Variants in PRKCZ observed in about 807,000 individuals in gnomAD.
PRKCZ encodes protein kinase C zeta type.
In PRKCZ, 33 loss-of-function variants were observed where a neutral mutation model predicts 79.5. The observed-to-expected ratio is 0.41, with a 90% confidence interval of 0.31 to 0.55. The LOEUF (loss-of-function observed/expected upper bound fraction) is 0.55. Among genes scored for constraint, PRKCZ ranks in the 20% least tolerant of loss-of-function variants. The pLI is 0.19. For missense variants in PRKCZ, 578 were observed against 813.5 expected, an observed-to-expected ratio of 0.71 and a Z score of 3.52; for synonymous variants, 342 against 320.9, an observed-to-expected ratio of 1.07 and a Z score of -0.70.
intron 1 of PRKCZ, 148 bp downstream of exon 1, chr1:2,050,849 C>T: frequency 2.2e-6 from 1 of 456,236 alleles, no homozygotes; most frequent in Non-Finnish European, 3.5e-6. Context: ...GTCCTCGGTC[C>T]CCGCCCGTGA....
At chr1:2,158,525 C>T (rs1681564930) in intron 10 of PRKCZ, among the ~76,000 whole-genome samples, 1 of 152,230 alleles carries the variant, frequency 6.6e-6, no homozygotes, top group African/African-American at 2.4e-5. Flanking sequence ...TCCCATTGCG[C>T]TTTTCCAGGC....
chr1:2,131,272 T>C (rs1402075388), intron 4 of PRKCZ, among the ~76,000 whole-genome samples: 1 of 151,828 alleles, frequency 6.6e-6, no homozygotes, highest in African/African-American at 2.4e-5. Flanking sequence ...CACCTGGGAG[T>C]TTCTTTGCAG....
chr1:2,121,377 T>C (rs72907480), intron 4 of PRKCZ, among the ~76,000 whole-genome samples: 3,103 of 150,088 alleles, frequency 0.021, 86 homozygotes, highest in African/African-American at 0.065. Context: ...AGAATCCATA[T>C]GTTGAAGCCC....
Position 2,125,886 on chromosome 1 carries a change from A to G in PRKCZ, c.335-9376A>G, listed in dbSNP as rs1673779990. 6.6e-6 allele frequency among the ~76,000 whole-genome samples: 1 copy of G among 151,958 alleles called. No individual in the cohort carries two copies. Among genetic ancestry groups the G allele is most frequent in the South Asian group, 2.1e-4 (1 of 4,810 alleles). ...AGCCGCCCGGCTGCCTCTCGCCAAC[A>G]TGCAGCACTTCCCTTCCTTTCCATG... On this transcript the variant is annotated intron_variant, in intron 4 of 17. Transcript: ENST00000378567. The surrounding 1 kb of genome is among the most constrained non-coding windows in gnomAD (Gnocchi z 4.2).
chr1:2,067,225 G>C (rs1363648227), intron 4 of PRKCZ, among the ~76,000 whole-genome samples: 1 of 152,248 alleles, frequency 6.6e-6, no homozygotes, highest in Non-Finnish European at 1.5e-5. Context: ...TGTGCGTTGA[G>C]GGTGTGCAGC....
chr1:2,097,933 C>G (rs1050125379), intron 4 of PRKCZ, among the ~76,000 whole-genome samples: 1 of 152,216 alleles, frequency 6.6e-6, no homozygotes, highest in East Asian at 1.9e-4. Context: ...GTGTGGTTCC[C>G]CTGTTGGCTA....
chr1:2,139,315 C>T (rs1258982655), intron 5 of PRKCZ, among the ~76,000 whole-genome samples: 1 of 152,188 alleles, frequency 6.6e-6, no homozygotes, highest in Admixed American at 6.5e-5. Context: ...GCCGGCCGGG[C>T]GTGGTGGCTC....
chr1:2,126,311 A>C (rs3107154), intron 4 of PRKCZ, among the ~76,000 whole-genome samples: 138,408 of 152,248 alleles, frequency 0.91, 62,995 homozygotes, highest in Admixed American at 0.93. Context: ...TGGTCTGCTG[A>C]CCTGGGCTGC....
chr1:2,051,484 C>G (rs930596380), intron 1 of PRKCZ, among the ~76,000 whole-genome samples: 1 of 152,200 alleles, frequency 6.6e-6, no homozygotes, highest in Admixed American at 6.5e-5. Flanking sequence ...GTGCGCGTCT[C>G]CAGGAGCCCC....
At chr1:2,135,786 C>G (rs1362598974) in intron 5 of PRKCZ, among the ~76,000 whole-genome samples, 1 of 152,258 alleles carries the variant, frequency 6.6e-6, no homozygotes, top group Non-Finnish European at 1.5e-5. Context: ...CCTGCTTGGG[C>G]CTCTGTCTTC....
intron 5 of PRKCZ, among the ~76,000 whole-genome samples, chr1:2,136,452 G>A (rs1676212425): frequency 6.6e-6 from 1 of 152,184 alleles, no homozygotes; most frequent in African/African-American, 2.4e-5. Context: ...AGGACTTCCT[G>A]GAGGAGGAGG....
chr1:2,117,566 C>T (rs1056384733), intron 4 of PRKCZ, among the ~76,000 whole-genome samples: 1 of 152,110 alleles, frequency 6.6e-6, no homozygotes, highest in African/African-American at 2.4e-5. Context: ...ACTGTTGATC[C>T]TTCCAAAACA....
At chr1:2,092,416 C>T (rs756604337) in intron 4 of PRKCZ, among the ~76,000 whole-genome samples, 1 of 152,286 alleles carries the variant, frequency 6.6e-6, no homozygotes, top group South Asian at 2.1e-4. Context: ...ACAAAGTGCG[C>T]AGCTCTACCC....
intron 4 of PRKCZ, among the ~76,000 whole-genome samples, chr1:2,068,664 G>C (rs1661322038): frequency 6.6e-6 from 1 of 152,240 alleles, no homozygotes; most frequent in African/African-American, 2.4e-5. Flanking sequence ...ACGCACCACA[G>C]TTGACTACAT....
Position 2,093,287 on chromosome 1 carries a change from G to A in PRKCZ, c.334+33696G>A, listed in dbSNP as rs564319126. ...GCCCGCTGGCCTCGCTGCTTCCTGC[G>A]CCCTGTTTACCACCCCTCACCCCCT... On this transcript the variant is annotated intron_variant, in intron 4 of 17. Transcript: ENST00000378567. 3.2e-4 allele frequency among the ~76,000 whole-genome samples: 48 copies of A among 152,256 alleles called. 1 individual carries two copies. Among genetic ancestry groups the A allele is most frequent in the Admixed American group, 2.2e-3 (34 of 15,302 alleles).
At chr1:2,055,334 G>A (rs1268098481) in intron 1 of PRKCZ, 107 bp from the exon 2 acceptor site, 4 of 1,375,920 alleles carry the variant, frequency 2.9e-6, no homozygotes, top group Non-Finnish European at 2.0e-6. Flanking sequence ...TTGTCTTTGG[G>A]GAAAGTTTCA....
At chr1:2,164,483 G>A (rs1173516764) in intron 10 of PRKCZ, among the ~76,000 whole-genome samples, 1 of 152,198 alleles carries the variant, frequency 6.6e-6, no homozygotes, top group African/African-American at 2.4e-5. Context: ...GAAGTCACCA[G>A]GGGGCAGTTG....
intron 16 of PRKCZ, among the ~76,000 whole-genome samples, chr1:2,180,855 G>A (rs1436219336): frequency 6.6e-6 from 1 of 152,078 alleles, no homozygotes. Context: ...AGGGCTCACC[G>A]TCATCACCCC....
At chr1:2,137,546 G>A (rs1359702575) in intron 5 of PRKCZ, among the ~76,000 whole-genome samples, 1 of 152,150 alleles carries the variant, frequency 6.6e-6, no homozygotes, top group Non-Finnish European at 1.5e-5. Flanking sequence ...TTCCTGTGCT[G>A]GCAGAGGAAC....
Sources: gnomAD v4.1 joint callset for allele counts (sites outside exome capture counted in the v4.1 genomes callset) on GRCh38, gnomAD v4.1.1 for gene constraint, Gnocchi (gnomAD v3.1) non-coding constraint, MANE v1.5 for transcripts, NCBI Gene and HGNC (gene_info 2026-07-23, HGNC 2026-07-21) for gene names.